The following NECTIN1 variants were observed in gnomAD, a reference collection of about 807,000 sequenced individuals.
The protein encoded by NECTIN1 is nectin cell adhesion molecule 1, also known as nectin-1.
Under a neutral mutation model 48.0 loss-of-function variants are expected in NECTIN1, and 23 were observed. That is an observed-to-expected ratio of 0.48 (90% CI 0.34 to 0.68). NECTIN1 has a LOEUF of 0.68. Among genes scored for constraint, NECTIN1 ranks in the 30% least tolerant of loss-of-function variants. The probability of loss-of-function intolerance (pLI) is 0.01; values close to 1 mark genes in which losing one functional copy is unlikely to be tolerated. For missense variants in NECTIN1, 591 were observed against 709.9 expected, an observed-to-expected ratio of 0.83 and a Z score of 1.90; for synonymous variants, 270 against 288.9, an observed-to-expected ratio of 0.93 and a Z score of 0.66.
chr11:119,669,739 C>T (rs1224000349), intron 5 of NECTIN1, among the ~76,000 whole-genome samples: 4 of 152,292 alleles, frequency 2.6e-5, no homozygotes, highest in South Asian at 2.1e-4. Context: ...GCACACACTG[C>T]ACGGGCTGCC....
Position 119,649,690 on chromosome 11 carries a change from C to CA in NECTIN1, c.1004-9679dup, listed in dbSNP as rs1222182324. ...GGGTGACAGGGTGAGACTCCGTCTC[C>CA]AAAAAAAAGAGGAATGTTACCAGGA... On this transcript the variant is annotated intron_variant, in intron 5 of 7. Transcript: ENST00000341398. Among the ~76,000 whole-genome samples, 4 of 150,248 alleles carry CA rather than the reference C, an allele frequency of 2.7e-5. No individual in the cohort carries two copies. The East Asian group carries it at 5.8e-4, about 22-fold the overall frequency.
At chr11:119,696,707 T>A (rs1865346378) in intron 1 of NECTIN1, among the ~76,000 whole-genome samples, 1 of 152,054 alleles carries the variant, frequency 6.6e-6, no homozygotes, top group Non-Finnish European at 1.5e-5. Flanking sequence ...AAGGGTGGGT[T>A]CCCCAGGGTG....
In NECTIN1 at chr11:119,674,756, T is replaced by C; in HGVS notation, c.1003+403A>G. ...GAGGTAAGCCTCACTTTCTGGCCCATGAAGAGGTCCTTGACCACAGGTGCA... is the reference window on the plus strand; with the variant it reads ...GAGGTAAGCCTCACTTTCTGGCCCACGAAGAGGTCCTTGACCACAGGTGCA... On this transcript the variant is annotated intron_variant, in intron 5 of 5. Transcript: ENST00000264025. 5 of 1,598,794 alleles carry C rather than the reference T, an allele frequency of 3.1e-6. No individual in the cohort carries two copies. In the African/African-American group the frequency reaches 4.0e-5, roughly 13 times the overall value.
intron 4 of NECTIN1, among the ~76,000 whole-genome samples, chr11:119,675,911 CAGA>C (rs1313161387): frequency 1.6e-4 from 24 of 151,692 alleles, no homozygotes; most frequent in African/African-American, 5.1e-4. Context: ...GAGGGTGAGG[CAGA>C]AGAACTGCTT....
intron 1 of NECTIN1, among the ~76,000 whole-genome samples, chr11:119,679,822 C>A (rs1865027665): frequency 6.6e-6 from 1 of 152,216 alleles, no homozygotes; most frequent in Admixed American, 6.5e-5. Flanking sequence ...CTAGATGGCC[C>A]TTCCCCTTCT....
chr11:119,716,544 C>T (rs1415509746), intron 1 of NECTIN1, among the ~76,000 whole-genome samples: 1 of 152,228 alleles, frequency 6.6e-6, no homozygotes, highest in Non-Finnish European at 1.5e-5. Flanking sequence ...AGACTGAGAT[C>T]ATTTGACTCC....
chr11:119,719,104 G>A (rs1865788727), intron 1 of NECTIN1, among the ~76,000 whole-genome samples: 1 of 152,156 alleles, frequency 6.6e-6, no homozygotes, highest in South Asian at 2.1e-4. Flanking sequence ...TTCCACTTGT[G>A]GCGTCATGTC....
At chr11:119,680,875 A>G (rs1865048960) in intron 1 of NECTIN1, among the ~76,000 whole-genome samples, 1 of 152,238 alleles carries the variant, frequency 6.6e-6, no homozygotes, top group Admixed American at 6.5e-5. Flanking sequence ...GGTTGGGAAT[A>G]CGATGGGAGA....
intron 1 of NECTIN1, among the ~76,000 whole-genome samples, chr11:119,694,152 G>C (rs919466566): frequency 3.9e-5 from 6 of 152,160 alleles, no homozygotes; most frequent in Non-Finnish European, 8.8e-5. Flanking sequence ...TTCACAGAGG[G>C]GGAAATGGAG....
intron 5 of NECTIN1, among the ~76,000 whole-genome samples, chr11:119,646,934 G>A (rs1001876840): frequency 3.9e-5 from 6 of 152,172 alleles, no homozygotes; most frequent in Non-Finnish European, 7.3e-5. Context: ...GTGGACAGTC[G>A]GTGCCTAGTG....
chr11:119,682,035 G>T (rs1283512926), intron 1 of NECTIN1, among the ~76,000 whole-genome samples: 2 of 152,114 alleles, frequency 1.3e-5, no homozygotes, highest in Admixed American at 6.6e-5. Flanking sequence ...GGTGCTGGAA[G>T]ATTGGAAAGG....
At chr11:119,718,979 C>A (rs1200580922) in intron 1 of NECTIN1, among the ~76,000 whole-genome samples, 2 of 152,208 alleles carry the variant, frequency 1.3e-5, no homozygotes, top group African/African-American at 2.4e-5. Flanking sequence ...TTCATATACA[C>A]CTTATACACA....
rs572576325 is a variant in NECTIN1, at chr11:119,704,655, A to G, written c.79+23820T>C. ...CCCAGCTTCTACCGCCCCATCTGTA[A>G]CTTGGTTTTCTAAGTGTTGGCAGGG... is the stretch of plus-strand genomic sequence containing the variant. On this transcript the variant is annotated intron_variant, in intron 1 of 5. Transcript: ENST00000264025. Among the ~76,000 whole-genome samples the G allele has an allele frequency of 6.6e-5, 10 of 152,254 alleles. No individual in the cohort carries two copies. The East Asian group carries it at 1.9e-3, about 29-fold the overall frequency.
chr11:119,657,941 A>AAAAAG (rs61056818), downstream of NECTIN1, among the ~76,000 whole-genome samples: 1 of 144,790 alleles, frequency 6.9e-6, no homozygotes, highest in Non-Finnish European at 1.5e-5. Flanking sequence ...AAAAAAAAAA[A>AAAAAG]GTCTGTCTAG....
downstream of NECTIN1, among the ~76,000 whole-genome samples, chr11:119,658,230 G>A (rs1289653279): frequency 1.3e-5 from 2 of 152,180 alleles, no homozygotes; most frequent in African/African-American, 2.4e-5. Context: ...TGCTGTGTGT[G>A]TGCTGTGGGA....
intron 1 of NECTIN1, among the ~76,000 whole-genome samples, chr11:119,721,089 C>T (rs547062377): frequency 7.2e-5 from 11 of 152,292 alleles, no homozygotes; most frequent in Admixed American, 1.3e-4. Flanking sequence ...GGTGCTAGGG[C>T]GTATATCTCA....
chr11:119,721,800 G>T (rs1865834926), intron 1 of NECTIN1, among the ~76,000 whole-genome samples: 1 of 152,250 alleles, frequency 6.6e-6, no homozygotes, highest in South Asian at 2.1e-4. Flanking sequence ...AGAGACAGAT[G>T]CTCCAGGACA....
intron 1 of NECTIN1, among the ~76,000 whole-genome samples, chr11:119,696,119 T>C (rs1447785453): frequency 6.6e-6 from 1 of 152,172 alleles, no homozygotes; most frequent in African/African-American, 2.4e-5. Context: ...ATTTTAATTT[T>C]TAAATTTTTG....
At chr11:119,649,418 T>C (rs568872139) in intron 5 of NECTIN1, among the ~76,000 whole-genome samples, 1 of 148,898 alleles carries the variant, frequency 6.7e-6, no homozygotes, top group South Asian at 2.1e-4. Flanking sequence ...CTGGGTGCAG[T>C]GGCTCACGCC....
Sources: allele counts gnomAD v4.1 joint callset (sites outside exome capture counted in the v4.1 genomes callset), GRCh38; gene constraint gnomAD v4.1.1; transcripts MANE v1.5; gene names NCBI Gene and HGNC (gene_info 2026-07-23, HGNC 2026-07-21).